FRMD4B: variants seen among roughly 807,000 people sequenced by gnomAD.
FRMD4B encodes FERM domain containing 4B.
In FRMD4B, 74 loss-of-function variants were observed where a neutral mutation model predicts 141.5. The ratio of observed to expected loss-of-function variants is 0.52; its 90% CI spans 0.43 to 0.63. The LOEUF is 0.63. FRMD4B is among the 30% of genes least tolerant of loss of function. The pLI is 0.00. For synonymous variants in FRMD4B, 506 were observed against 467.9 expected, an observed-to-expected ratio of 1.08 and a Z score of -1.05; for missense variants, 1,366 against 1,253.4, an observed-to-expected ratio of 1.09 and a Z score of -1.36.
chr3:69,191,514 A>G (rs1008435859), intron 17 of FRMD4B, among the ~76,000 whole-genome samples: 4 of 151,936 alleles, frequency 2.6e-5, no homozygotes, highest in Non-Finnish European at 5.9e-5. Context: ...ATCATTCCAT[A>G]TTCACCTGAG....
chr3:69,329,516 ATTT>A (rs10554375), intron 1 of FRMD4B, among the ~76,000 whole-genome samples: 6 of 55,560 alleles, frequency 1.1e-4, no homozygotes, highest in African/African-American at 3.5e-4. Context: ...TGCCCAGCTA[ATTT>A]TTTTTTTTTT....
At chr3:69,198,854 A>G (rs2092936042) in intron 11 of FRMD4B, 80 bp from the exon 12 acceptor site, 2 of 735,924 alleles carry the variant, frequency 2.7e-6, no homozygotes, top group Non-Finnish European at 4.8e-6. Context: ...TAATCAAACA[A>G]TTATAAGCTC....
chr3:69,492,618 T>G (rs1305926703), intron 1 of FRMD4B, among the ~76,000 whole-genome samples: 1 of 152,090 alleles, frequency 6.6e-6, no homozygotes, highest in East Asian at 2.0e-4. Context: ...TCTGCGACCC[T>G]GGAAGAAACC....
intron 4 of FRMD4B, among the ~76,000 whole-genome samples, chr3:69,296,174 G>GAC (rs927242883): frequency 2.6e-5 from 4 of 151,866 alleles, no homozygotes; most frequent in African/African-American, 4.8e-5. Context: ...ATTGTCCTGA[G>GAC]ACACACACAC....
At chr3:69,309,036 T>A (rs1701484733) in intron 3 of FRMD4B, among the ~76,000 whole-genome samples, 1 of 152,216 alleles carries the variant, frequency 6.6e-6, no homozygotes, top group East Asian at 1.9e-4. Context: ...ATGAGCTCCA[T>A]AAAAGCAGGG....
At chr3:69,474,629 C>A (rs1447087324) in intron 1 of FRMD4B, among the ~76,000 whole-genome samples, 1 of 152,136 alleles carries the variant, frequency 6.6e-6, no homozygotes, top group Non-Finnish European at 1.5e-5. Context: ...ACTGCAAAAA[C>A]CAAAGAATTA....
At chr3:69,226,544 G>A (rs182284695) in intron 7 of FRMD4B, among the ~76,000 whole-genome samples, 9 of 151,424 alleles carry the variant, frequency 5.9e-5, no homozygotes, top group Non-Finnish European at 8.8e-5. Flanking sequence ...GGACAACATC[G>A]TGTTATGAAA....
intron 1 of FRMD4B, among the ~76,000 whole-genome samples, chr3:69,476,698 G>A (rs1264207129): frequency 6.6e-6 from 1 of 151,592 alleles, no homozygotes; most frequent in Non-Finnish European, 1.5e-5. Context: ...CTCTTTTTTG[G>A]TTCCATATGA....
At chr3:69,339,381 C>T (rs977226960) in intron 1 of FRMD4B, among the ~76,000 whole-genome samples, 2 of 152,218 alleles carry the variant, frequency 1.3e-5, no homozygotes, top group South Asian at 2.1e-4. Flanking sequence ...TGACACTAGC[C>T]GGTGGGACTT....
chr3:69,499,874 T>C (rs1046038541), intron 1 of FRMD4B, among the ~76,000 whole-genome samples: 7 of 152,218 alleles, frequency 4.6e-5, no homozygotes, highest in African/African-American at 1.7e-4. Context: ...CTAACAATAC[T>C]GGCCTCTCCG....
chr3:69,435,295 G>GC (rs1252159222), intron 1 of FRMD4B, among the ~76,000 whole-genome samples: 1 of 151,872 alleles, frequency 6.6e-6, no homozygotes, highest in Non-Finnish European at 1.5e-5. Flanking sequence ...TTCATGAAGA[G>GC]CTGAAGCCCT....
intron 1 of FRMD4B, among the ~76,000 whole-genome samples, chr3:69,452,407 T>G (rs1705516984): frequency 1.3e-5 from 2 of 152,242 alleles, no homozygotes; most frequent in Non-Finnish European, 2.9e-5. Context: ...ACTTACCGAG[T>G]GGGTGACCTT....
chr3:69,193,970 A>G, intron 16 of FRMD4B, 97 bp from the exon 17 acceptor site: 3 of 737,878 alleles, frequency 4.1e-6, no homozygotes, highest in Non-Finnish European at 6.7e-6. Context: ...TTCTTGAATC[A>G]GACGTTCTTT....
chr3:69,347,567 A>C (rs1166379628), intron 1 of FRMD4B, among the ~76,000 whole-genome samples: 1 of 152,222 alleles, frequency 6.6e-6, no homozygotes, highest in Non-Finnish European at 1.5e-5. Flanking sequence ...TCCAAAATTG[A>C]CCACATAGTT....
intron 2 of FRMD4B, among the ~76,000 whole-genome samples, chr3:69,391,193 A>C (rs980674978): frequency 6.6e-6 from 1 of 151,260 alleles, no homozygotes; most frequent in African/African-American, 2.4e-5. Flanking sequence ...AACTATTAAT[A>C]TTTTTGTACT....
At chr3:69,350,591 T>G (rs1403793993) in intron 1 of FRMD4B, among the ~76,000 whole-genome samples, 1 of 152,018 alleles carries the variant, frequency 6.6e-6, no homozygotes, top group Non-Finnish European at 1.5e-5. Flanking sequence ...CCAACAGTGA[T>G]AGACTGGATT....
chr3:69,210,857 T>C (rs1291034635), intron 11 of FRMD4B, among the ~76,000 whole-genome samples: 1 of 151,640 alleles, frequency 6.6e-6, no homozygotes, highest in Admixed American at 6.6e-5. Flanking sequence ...CTGCTAAAAA[T>C]ACAAAATTAG....
chr3:69,462,234 T>C lies in FRMD4B; in HGVS notation c.-128-29473A>G, dbSNP rs531282011. On this transcript the variant is annotated intron_variant, in intron 1 of 5. Transcript: ENST00000459638. Reference sequence around the variant, plus strand: ...GAGCTCAGTCTTGCCGGGAACTGTCTGAGAGACTGTGTGAGCATGCCTCAG... The same window carrying C: ...GAGCTCAGTCTTGCCGGGAACTGTCCGAGAGACTGTGTGAGCATGCCTCAG... 2.6e-5 allele frequency among the ~76,000 whole-genome samples: 4 copies of C among 152,280 alleles called. No individual in the cohort carries two copies. In the East Asian group the frequency reaches 7.7e-4, roughly 29 times the overall value.
At chr3:69,304,493 A>AC (rs200289818) in intron 3 of FRMD4B, among the ~76,000 whole-genome samples, 206 of 144,962 alleles carry the variant, frequency 1.4e-3, no homozygotes, top group African/African-American at 5.7e-3. Context: ...CAAAAAAAAA[A>AC]AAAAAAAAAA....
Sources: gnomAD v4.1 joint callset for allele counts (sites outside exome capture counted in the v4.1 genomes callset) on GRCh38, gnomAD v4.1.1 for gene constraint, MANE v1.5 for transcripts, NCBI Gene and HGNC (gene_info 2026-07-23, HGNC 2026-07-21) for gene names.